Variants in PIK3C2G observed in about 807,000 individuals in gnomAD.
PIK3C2G encodes phosphatidylinositol-4-phosphate 3-kinase catalytic subunit type 2 gamma.
PIK3C2G carries 168 observed loss-of-function variants against 181.1 expected under a neutral mutation model. The observed-to-expected ratio is 0.93, with a 90% confidence interval of 0.82 to 1.05. The LOEUF is 1.05. PIK3C2G is among the 50% of genes least tolerant of loss of function. The pLI is 0.00. For missense variants in PIK3C2G, 1,869 were observed against 1,732.8 expected (o/e 1.08, Z -1.40); for synonymous variants, 573 against 592.2 (o/e 0.97, Z 0.47).
Position 18,450,911 on chromosome 12 carries a change from C to T in PIK3C2G, c.2504+26872C>T, listed in dbSNP as rs1445450085. Among the ~76,000 whole-genome samples, 4 of 152,112 alleles carry T rather than the reference C, an allele frequency of 2.6e-5. No homozygotes were observed. The East Asian group carries it at 7.8e-4, about 29-fold the overall frequency. ...TAGACGTGTGGTGTTATTTCTGAGG[C>T]CACTGTTCTGTTCCATTGGTCTATA... On this transcript the variant is annotated intron_variant, in intron 18 of 32. Coordinates refer to ENST00000538779, the MANE Select transcript of PIK3C2G (RefSeq NM_001288772.2).
intron 8 of PIK3C2G, among the ~76,000 whole-genome samples, chr12:18,337,166 A>G (rs1165731490): frequency 6.6e-6 from 1 of 152,188 alleles, no homozygotes; most frequent in African/African-American, 2.4e-5. Context: ...ATATAAAAAC[A>G]TTGTAGAGTG....
At chr12:18,661,671 A>G in the PIK3C2G span, among the ~76,000 whole-genome samples, 1 of 152,158 alleles carries the variant, frequency 6.6e-6, no homozygotes, top group African/African-American at 2.4e-5. Flanking sequence ...CTGTGGAGAA[A>G]AGGGGATGCT....
At chr12:18,247,622 G>C (rs992193944) in exon 1 of PIK3C2G, 22 of 152,268 alleles carry the variant, frequency 1.4e-4, no homozygotes, top group African/African-American at 5.3e-4. Flanking sequence ...ACATAGGGCA[G>C]GCAAGGGGAA....
intron 5 of PIK3C2G, among the ~76,000 whole-genome samples, chr12:18,308,274 A>G (rs1204085432): frequency 6.6e-6 from 1 of 151,886 alleles, no homozygotes; most frequent in Non-Finnish European, 1.5e-5. Flanking sequence ...ATTCTACTAC[A>G]ATATTATATT....
intron 29 of PIK3C2G, among the ~76,000 whole-genome samples, chr12:18,586,084 C>T (rs975667933): frequency 4.6e-5 from 7 of 152,256 alleles, no homozygotes; most frequent in African/African-American, 1.7e-4. Context: ...TAAACACCCA[C>T]ATCAAAAAGT....
intron 6 of PIK3C2G, among the ~76,000 whole-genome samples, chr12:18,317,216 T>C (rs1230622930): frequency 6.6e-6 from 1 of 151,912 alleles, no homozygotes; most frequent in African/African-American, 2.4e-5. Context: ...TTTCACCATG[T>C]TGGTTAGGCT....
At chr12:18,269,111 G>A (rs558196532) in intron 1 of PIK3C2G, among the ~76,000 whole-genome samples, 24 of 151,830 alleles carry the variant, frequency 1.6e-4, no homozygotes, top group African/African-American at 4.3e-4. Context: ...GGATTTTGTC[G>A]TGTTGGCCAG....
chr12:18,662,695 A>C, the PIK3C2G span, among the ~76,000 whole-genome samples: 1 of 152,098 alleles, frequency 6.6e-6, no homozygotes, highest in South Asian at 2.1e-4. Flanking sequence ...TGTAATTTTG[A>C]AGCATCAATA....
At chr12:18,606,373 T>C (rs1334212802) in intron 30 of PIK3C2G, among the ~76,000 whole-genome samples, 1 of 152,154 alleles carries the variant, frequency 6.6e-6, no homozygotes, top group Non-Finnish European at 1.5e-5. Flanking sequence ...TCAGCATTTT[T>C]AGCACCTTTA....
At chr12:18,559,592 A>G (rs548426728) in intron 26 of PIK3C2G, among the ~76,000 whole-genome samples, 7 of 149,732 alleles carry the variant, frequency 4.7e-5, no homozygotes, top group Admixed American at 2.7e-4. Context: ...TAGGCAATCT[A>G]TGAATTCTCA....
At chr12:18,296,868 T>C (rs1227843067) in intron 5 of PIK3C2G, among the ~76,000 whole-genome samples, 1 of 152,084 alleles carries the variant, frequency 6.6e-6, no homozygotes, top group Non-Finnish European at 1.5e-5. Flanking sequence ...GGAAGCTTGA[T>C]GCAAAATTGT....
chr12:18,521,475 C>T (rs971603311), intron 24 of PIK3C2G, among the ~76,000 whole-genome samples: 1 of 152,198 alleles, frequency 6.6e-6, no homozygotes, highest in Admixed American at 6.5e-5. Context: ...TACAGGGAGG[C>T]CCTGCCCAGT....
At chr12:18,391,884 T>TGG (rs1234366108) in intron 15 of PIK3C2G, among the ~76,000 whole-genome samples, 239 of 148,214 alleles carry the variant, frequency 1.6e-3, no homozygotes, top group African/African-American at 5.9e-3. Flanking sequence ...TATGTGTGTG[T>TGG]GTGTGAGAGA....
intron 15 of PIK3C2G, among the ~76,000 whole-genome samples, chr12:18,393,946 G>C (rs1943702709): frequency 6.6e-6 from 1 of 152,094 alleles, no homozygotes; most frequent in South Asian, 2.1e-4. Flanking sequence ...AGCAGGATGA[G>C]AGCTACAGAA....
At chr12:18,470,892 TATA>T (rs755680628) in intron 18 of PIK3C2G, among the ~76,000 whole-genome samples, 7 of 152,172 alleles carry the variant, frequency 4.6e-5, no homozygotes, top group African/African-American at 1.4e-4. Context: ...AATGTTTTAT[TATA>T]ATGTTTTATT....
At chr12:18,577,182 G>A (rs908990200) in intron 29 of PIK3C2G, among the ~76,000 whole-genome samples, 9 of 152,214 alleles carry the variant, frequency 5.9e-5, no homozygotes, top group African/African-American at 2.2e-4. Context: ...GCAGAGGGCT[G>A]TCATGAGAGC....
At chr12:18,261,137 T>C (rs921922889), upstream of PIK3C2G, among the ~76,000 whole-genome samples, 11 of 152,160 alleles carry the variant, frequency 7.2e-5, no homozygotes, top group Non-Finnish European at 1.6e-4. Flanking sequence ...TCACCTCTGC[T>C]CCTGCAAATT....
chr12:18,513,341 C>T (rs906440115), intron 24 of PIK3C2G, among the ~76,000 whole-genome samples: 1 of 149,678 alleles, frequency 6.7e-6, no homozygotes, highest in Non-Finnish European at 1.5e-5. Flanking sequence ...TCTTCTATTT[C>T]ATTTTTGTGG....
intron 8 of PIK3C2G, among the ~76,000 whole-genome samples, chr12:18,335,195 G>C (rs1938411365): frequency 6.6e-6 from 1 of 151,994 alleles, no homozygotes; most frequent in East Asian, 1.9e-4. Flanking sequence ...GACTATTCGA[G>C]GATCTTAGCT....
Sources: gnomAD v4.1 joint callset for allele counts (sites outside exome capture counted in the v4.1 genomes callset) on GRCh38, gnomAD v4.1.1 for gene constraint, MANE v1.5 for transcripts, NCBI Gene and HGNC (gene_info 2026-07-23, HGNC 2026-07-21) for gene names.